The following EPHA6 variants were observed in gnomAD, a reference collection of about 807,000 sequenced individuals.
EPHA6 encodes ephrin type-A receptor 6.
Under a neutral mutation model 112.0 loss-of-function variants are expected in EPHA6, and 50 were observed. The observed-to-expected ratio is 0.45, with a 90% confidence interval of 0.36 to 0.56. The LOEUF is 0.56. Among genes scored for constraint, EPHA6 ranks in the 20% least tolerant of loss-of-function variants. EPHA6 has a pLI of 0.00. For synonymous variants in EPHA6, 529 were observed against 490.7 expected (o/e 1.08, Z -1.03); for missense variants, 1,280 against 1,417.4 (o/e 0.90, Z 1.56).
chr3:97,407,520 A>T (rs1234310671), intron 6 of EPHA6, among the ~76,000 whole-genome samples: 2 of 151,830 alleles, frequency 1.3e-5, no homozygotes, highest in African/African-American at 4.8e-5. Context: ...ATTAAGAGTG[A>T]TATGTCAGAA....
At chr3:97,499,227 T>G (rs1161978938) in intron 10 of EPHA6, among the ~76,000 whole-genome samples, 4 of 152,170 alleles carry the variant, frequency 2.6e-5, no homozygotes, top group African/African-American at 9.7e-5. Flanking sequence ...TAAACGTTAC[T>G]TATTGACTTT....
At chr3:97,141,073 A>G (rs972836791) in intron 3 of EPHA6, among the ~76,000 whole-genome samples, 1 of 152,180 alleles carries the variant, frequency 6.6e-6, no homozygotes, top group Admixed American at 6.5e-5. Context: ...ACAGTAAAAA[A>G]GAAAAGACAA....
At chr3:97,220,551 C>A (rs929299257) in intron 3 of EPHA6, among the ~76,000 whole-genome samples, 4 of 152,126 alleles carry the variant, frequency 2.6e-5, no homozygotes, top group Non-Finnish European at 5.9e-5. Context: ...AGCAAGGGAC[C>A]TTCTTCACAA....
At chr3:97,100,859 A>G (rs1232106850) in intron 3 of EPHA6, among the ~76,000 whole-genome samples, 1 of 151,826 alleles carries the variant, frequency 6.6e-6, no homozygotes, top group African/African-American at 2.4e-5. Flanking sequence ...AATATTAACC[A>G]CTCCCTGAAT....
chr3:96,926,508 G>T (rs2040042961), intron 2 of EPHA6, among the ~76,000 whole-genome samples: 1 of 152,088 alleles, frequency 6.6e-6, no homozygotes, highest in African/African-American at 2.4e-5. Flanking sequence ...CAATTCCAAA[G>T]TCTCATCTGA....
At chr3:97,309,993 C>G (rs375748333) in intron 5 of EPHA6, among the ~76,000 whole-genome samples, 2 of 151,530 alleles carry the variant, frequency 1.3e-5, no homozygotes. Flanking sequence ...TGAAGTTTCA[C>G]GAATACATCT....
At chr3:96,825,845 C>T (rs897369758) in intron 1 of EPHA6, among the ~76,000 whole-genome samples, 4 of 151,524 alleles carry the variant, frequency 2.6e-5, no homozygotes, top group African/African-American at 9.7e-5. Flanking sequence ...ATTTTATGGT[C>T]CTTCTTCCCA....
At chr3:97,585,299 A>G (rs2093477930) in intron 11 of EPHA6, among the ~76,000 whole-genome samples, 1 of 152,232 alleles carries the variant, frequency 6.6e-6, no homozygotes, top group African/African-American at 2.4e-5. Flanking sequence ...TTTTAAATAC[A>G]AATTAAAACC....
Position 96,814,918 on chromosome 3 carries a change from G to A in EPHA6, c.295G>A (p.Glu99Lys), listed in dbSNP as rs867146210. The change falls in exon 1 of 18, where the codon GAA (glutamate) becomes AAA (lysine). Residue 99 changes from glutamate (E) to lysine (K), a missense_variant. Around this residue, in one of 4 missense-constraint regions of EPHA6, gnomAD observed 220 missense variants for 171.5 expected, o/e 1.28. Transcript: ENST00000389672. ...GCCTAGGAGAACCATGGGGGGCTGC[G>A]AAGTCCGGGAATTTCTTTTGCAATT... Reference protein sequence around the residue: ...REPRRTMGGCEVREFLLQFGF... With the variant: ...REPRRTMGGCKVREFLLQFGF... The A allele has an allele frequency of 1.3e-6, 2 of 1,552,010 alleles. 1 individual carries two copies. Among genetic ancestry groups the A allele is most frequent in the South Asian group, 2.4e-5 (2 of 84,060 alleles).
chr3:97,389,999 G>A (rs1187701582), intron 5 of EPHA6, among the ~76,000 whole-genome samples: 1 of 152,086 alleles, frequency 6.6e-6, no homozygotes, highest in Non-Finnish European at 1.5e-5. Context: ...ACTAACTAGA[G>A]AAAATGAGGG....
chr3:97,703,886 T>C (rs2033534679), intron 14 of EPHA6, among the ~76,000 whole-genome samples: 1 of 152,172 alleles, frequency 6.6e-6, no homozygotes, highest in East Asian at 1.9e-4. Context: ...ACAACCTTTC[T>C]GAGTGAAATT....
intron 13 of EPHA6, among the ~76,000 whole-genome samples, chr3:97,612,037 A>G (rs2093724717): frequency 6.6e-6 from 1 of 152,074 alleles, no homozygotes; most frequent in African/African-American, 2.4e-5. Flanking sequence ...CGTGCAGTGT[A>G]TACTCTCAAC....
At chr3:97,330,001 G>GT (rs1224229496) in intron 5 of EPHA6, among the ~76,000 whole-genome samples, 4 of 152,046 alleles carry the variant, frequency 2.6e-5, no homozygotes, top group Admixed American at 1.3e-4. Flanking sequence ...TGTATAAGGC[G>GT]TAAGGAAGGG....
chr3:96,955,706 G>A (rs2041730891), intron 2 of EPHA6, among the ~76,000 whole-genome samples: 1 of 152,074 alleles, frequency 6.6e-6, no homozygotes, highest in African/African-American at 2.4e-5. Context: ...TAACCTTCAC[G>A]GATGGAATTC....
chr3:97,000,275 A>ACT (rs2043598586), intron 3 of EPHA6, among the ~76,000 whole-genome samples: 1 of 135,078 alleles, frequency 7.4e-6, no homozygotes, highest in Non-Finnish European at 1.5e-5. Flanking sequence ...ACACACACAC[A>ACT]CACACACACA....
chr3:97,441,362 T>C (rs1309401311), intron 6 of EPHA6: 3 of 602,382 alleles, frequency 5.0e-6, no homozygotes, highest in Non-Finnish European at 6.2e-6. Flanking sequence ...TGGCAACAGA[T>C]AAATTGTTTT....
intron 5 of EPHA6, among the ~76,000 whole-genome samples, chr3:97,325,781 C>T (rs1005939407): frequency 3.3e-5 from 5 of 152,084 alleles, no homozygotes; most frequent in African/African-American, 1.2e-4. Flanking sequence ...CTCCTATGGG[C>T]AGCTATCCTA....
intron 1 of EPHA6, among the ~76,000 whole-genome samples, chr3:96,848,270 T>A (rs1305619240): frequency 6.6e-6 from 1 of 152,050 alleles, no homozygotes; most frequent in East Asian, 1.9e-4. Flanking sequence ...AATAAAAATT[T>A]GGTCCAGTCC....
At chr3:97,601,848 G>C (rs2093645940) in intron 12 of EPHA6, among the ~76,000 whole-genome samples, 1 of 151,868 alleles carries the variant, frequency 6.6e-6, no homozygotes, top group Admixed American at 6.6e-5. Flanking sequence ...TCTGTTTGGG[G>C]TTTATTTTAT....
Sources: gnomAD v4.1 joint callset for allele counts (sites outside exome capture counted in the v4.1 genomes callset) on GRCh38, gnomAD v4.1.1 for gene constraint, gnomAD v4.1.1 regional missense constraint, MANE v1.5 for transcripts, NCBI Gene and HGNC (gene_info 2026-07-23, HGNC 2026-07-21) for gene names.